EPB41L2: variants seen among roughly 807,000 people sequenced by gnomAD.
EPB41L2 encodes erythrocyte membrane protein band 4.1 like 2.
Under a neutral mutation model 113.0 loss-of-function variants are expected in EPB41L2, and 43 were observed. The ratio of observed to expected loss-of-function variants is 0.38; its 90% CI spans 0.30 to 0.49. The LOEUF (loss-of-function observed/expected upper bound fraction) is 0.49. EPB41L2 is among the 20% of genes least tolerant of loss of function. EPB41L2 has a pLI of 0.95. For missense variants in EPB41L2, 1,147 were observed against 1,223.4 expected, an observed-to-expected ratio of 0.94 and a Z score of 0.93; for synonymous variants, 442 against 436.7, an observed-to-expected ratio of 1.01 and a Z score of -0.15.
intron 1 of EPB41L2, among the ~76,000 whole-genome samples, chr6:130,981,070 C>T (rs143568383): frequency 6.7e-4 from 102 of 152,130 alleles, no homozygotes; most frequent in Non-Finnish European, 1.2e-3. Context: ...ATATGGTCAA[C>T]CACCCAGAAT....
chr6:131,038,437 T>G (rs1163271081), intron 1 of EPB41L2, among the ~76,000 whole-genome samples: 1 of 152,224 alleles, frequency 6.6e-6, no homozygotes, highest in Non-Finnish European at 1.5e-5. Context: ...ATAGAATAAC[T>G]TTATTTACTA....
chr6:131,015,560 T>G (rs1562736471), intron 1 of EPB41L2, among the ~76,000 whole-genome samples: 2 of 152,208 alleles, frequency 1.3e-5, no homozygotes, highest in South Asian at 4.1e-4. Flanking sequence ...CAAATCAAAC[T>G]AAATGAGCAA....
intron 1 of EPB41L2, among the ~76,000 whole-genome samples, chr6:130,975,544 A>C (rs960044996): frequency 2.6e-5 from 4 of 152,354 alleles, no homozygotes; most frequent in Non-Finnish European, 5.9e-5. Context: ...CTAGGCAGAA[A>C]GTACAGTTAT....
At chr6:130,947,214 A>AC (rs1450316286) in intron 3 of EPB41L2, among the ~76,000 whole-genome samples, 9 of 151,890 alleles carry the variant, frequency 5.9e-5, no homozygotes, top group Admixed American at 5.2e-4. Flanking sequence ...TTAGAACCTC[A>AC]CCCTACTCTC....
At chr6:130,926,149 G>A (rs975714884) in intron 4 of EPB41L2, among the ~76,000 whole-genome samples, 2 of 152,132 alleles carry the variant, frequency 1.3e-5, no homozygotes, top group Non-Finnish European at 2.9e-5. Context: ...TCGTTCCAAT[G>A]TGCCGCCTTC....
intron 19 of EPB41L2, among the ~76,000 whole-genome samples, chr6:130,847,736 G>A (rs1431326626): frequency 1.3e-5 from 2 of 152,104 alleles, no homozygotes; most frequent in Non-Finnish European, 2.9e-5. Flanking sequence ...CACTGAAGCC[G>A]TAACACAAGT....
intron 12 of EPB41L2, 25 bp downstream of exon 12, chr6:130,885,071 C>T: frequency 5.0e-6 from 8 of 1,613,090 alleles, no homozygotes; most frequent in Non-Finnish European, 6.8e-6. Flanking sequence ...TGTTTAAAAC[C>T]ACATACTGTG....
rs11389706 is a variant in EPB41L2 at position 130,905,422 on chromosome 6, CT to C, written c.854-883del. Among the ~76,000 whole-genome samples the C allele has an allele frequency of 1.3e-3, 185 of 144,284 alleles. 1 individual carries two copies. Among genetic ancestry groups the C allele is most frequent in the Admixed American group, 3.0e-3 (43 of 14,506 alleles). 94.7% of individuals were successfully genotyped at this position (144,284 alleles called of 152,430 possible). ...ATGTGTGTGTGTATATATGTTATTC[CT>C]TTTTTTTTTTTCTGAGACAGAGTCT... On this transcript the variant is annotated intron_variant, in intron 5 of 19. Coordinates refer to ENST00000337057, the MANE Select transcript of EPB41L2 (RefSeq NM_001431.4).
chr6:130,913,555 A>G (rs1232310052), intron 4 of EPB41L2, among the ~76,000 whole-genome samples: 1 of 152,186 alleles, frequency 6.6e-6, no homozygotes, highest in East Asian at 1.9e-4. Flanking sequence ...ATACCTGCTG[A>G]CTGATATATG....
chr6:130,925,866 C>T (rs1804568933), intron 4 of EPB41L2, among the ~76,000 whole-genome samples: 3 of 152,106 alleles, frequency 2.0e-5, no homozygotes. Context: ...TGTCTTTAGT[C>T]TAAACAAAGA....
At chr6:130,869,487 C>T (rs1784936132) in intron 15 of EPB41L2, 76 bp downstream of exon 15, 2 of 1,308,620 alleles carry the variant, frequency 1.5e-6, no homozygotes, top group African/African-American at 1.5e-5. Context: ...ACTGGGAGGA[C>T]AGGAGAAGAA....
intron 3 of EPB41L2, among the ~76,000 whole-genome samples, chr6:130,942,593 C>T (rs888389678): frequency 1.3e-5 from 2 of 152,168 alleles, no homozygotes; most frequent in African/African-American, 2.4e-5. Flanking sequence ...TTAAATTTTA[C>T]TGCCTACATA....
chr6:131,025,649 C>A (rs1310160584), intron 1 of EPB41L2, among the ~76,000 whole-genome samples: 1 of 152,200 alleles, frequency 6.6e-6, no homozygotes, highest in Non-Finnish European at 1.5e-5. Flanking sequence ...TTCTTTAAAA[C>A]ACATTTGTCC....
chr6:130,995,285 A>C (rs1289393880), intron 1 of EPB41L2, among the ~76,000 whole-genome samples: 1 of 152,160 alleles, frequency 6.6e-6, no homozygotes, highest in Admixed American at 6.5e-5. Flanking sequence ...CAGTGAGCCG[A>C]GATCGCACCA....
chr6:130,908,880 A>T lies in EPB41L2; in HGVS notation c.811-17T>A, dbSNP rs771845116. 10 of 1,584,144 alleles carry T rather than the reference A, an allele frequency of 6.3e-6. No individual in the cohort carries two copies. The East Asian group carries it at 2.0e-4, about 32-fold the overall frequency. Reference sequence around the variant, plus strand: ...TAACCAGTTCTGCATGAGGGAAAAAAATTAATTCATAAGAAATATTCTAGA... The same window carrying T: ...TAACCAGTTCTGCATGAGGGAAAAATATTAATTCATAAGAAATATTCTAGA... On this transcript the variant is annotated splice_polypyrimidine_tract_variant and intron_variant, in intron 4 of 19. Coordinates refer to ENST00000337057, the MANE Select transcript of EPB41L2 (RefSeq NM_001431.4).
intron 1 of EPB41L2, among the ~76,000 whole-genome samples, chr6:131,043,945 T>A (rs910154533): frequency 1.3e-5 from 2 of 151,782 alleles, no homozygotes; most frequent in Non-Finnish European, 2.9e-5. Flanking sequence ...TAAAGCTGAA[T>A]GGTGGGAAAG....
chr6:130,979,362 G>A (rs1380194210), intron 1 of EPB41L2, among the ~76,000 whole-genome samples: 1 of 150,788 alleles, frequency 6.6e-6, no homozygotes, highest in East Asian at 2.0e-4. Flanking sequence ...AAAAAAAGTG[G>A]CACACGCCTG....
chr6:131,033,182 T>C (rs1335541154), intron 1 of EPB41L2, among the ~76,000 whole-genome samples: 1 of 151,118 alleles, frequency 6.6e-6, no homozygotes, highest in East Asian at 1.9e-4. Flanking sequence ...CCAGGATGGC[T>C]ATGATTTAAA....
chr6:130,952,519 T>C (rs1447648083), intron 3 of EPB41L2, among the ~76,000 whole-genome samples: 3 of 152,030 alleles, frequency 2.0e-5, no homozygotes, highest in African/African-American at 7.2e-5. Context: ...ACTTTGGCAA[T>C]GTCTTAAATG....
Sources: allele counts gnomAD v4.1 joint callset (sites outside exome capture counted in the v4.1 genomes callset), GRCh38; gene constraint gnomAD v4.1.1; transcripts MANE v1.5; gene names NCBI Gene and HGNC (gene_info 2026-07-23, HGNC 2026-07-21).